Variants in CYTH3 observed in about 807,000 individuals in gnomAD.
CYTH3 encodes the protein cytohesin 3.
In CYTH3, 23 loss-of-function variants were observed where a neutral mutation model predicts 55.1. That is an observed-to-expected ratio of 0.42 (90% CI 0.30 to 0.59). The LOEUF (loss-of-function observed/expected upper bound fraction) is 0.59, where lower values mean the gene tolerates loss of function less well. Among genes scored for constraint, CYTH3 ranks in the 20% least tolerant of loss-of-function variants. The pLI, the probability that CYTH3 is intolerant of heterozygous loss-of-function variation, is 0.20. For synonymous variants in CYTH3, 249 were observed against 194.9 expected (o/e 1.28, Z -2.31); for missense variants, 413 against 524.8 (o/e 0.79, Z 2.08).
intron 1 of CYTH3, among the ~76,000 whole-genome samples, chr7:6,215,151 A>G (rs2128550106): frequency 6.6e-6 from 1 of 152,288 alleles, no homozygotes; most frequent in Middle Eastern, 3.4e-3. Context: ...GGAGCACATG[A>G]GAGTTGACAA....
chr7:6,213,885 A>G (rs1440368930), intron 1 of CYTH3, among the ~76,000 whole-genome samples: 1 of 152,126 alleles, frequency 6.6e-6, no homozygotes, highest in Non-Finnish European at 1.5e-5. Context: ...ACTTGGCTCC[A>G]TGAAGTTTCA....
At chr7:6,233,141 C>T (rs1779429535) in intron 1 of CYTH3, among the ~76,000 whole-genome samples, 1 of 152,148 alleles carries the variant, frequency 6.6e-6, no homozygotes, top group Admixed American at 6.5e-5. Flanking sequence ...TCTGAAGTTG[C>T]TTTCTCAACT....
At chr7:6,204,401 A>G (rs1207816662) in intron 1 of CYTH3, among the ~76,000 whole-genome samples, 2 of 152,230 alleles carry the variant, frequency 1.3e-5, no homozygotes, top group African/African-American at 4.8e-5. Context: ...TGCCAAACAG[A>G]GGCAGTGTAC....
Position 6,167,317 on chromosome 7 carries a change from G to A in CYTH3, c.824-1507C>T, listed in dbSNP as rs1783039136. Among the ~76,000 whole-genome samples the A allele has an allele frequency of 6.6e-6, 1 of 152,212 alleles. No individual in the cohort carries two copies. The highest frequency in any genetic ancestry group is 2.4e-5 in the African/African-American group (1 of 41,456). Reference sequence around the variant, plus strand: ...CTGCCTTGTCCCACAGTCCTCCAGTGAGCAGTGAGAGGTGTTCTATGTCCC... The same window carrying A: ...CTGCCTTGTCCCACAGTCCTCCAGTAAGCAGTGAGAGGTGTTCTATGTCCC... On this transcript the variant is annotated intron_variant, in intron 9 of 12. Transcript: ENST00000350796. This position sits in a 1 kb window ranked among gnomAD's most constrained non-coding sequence, Gnocchi z 5.5.
At chr7:6,185,062 T>A (rs879672141) in intron 4 of CYTH3, among the ~76,000 whole-genome samples, 9 of 152,200 alleles carry the variant, frequency 5.9e-5, no homozygotes, top group Non-Finnish European at 8.8e-5. Flanking sequence ...GCTTATTACA[T>A]CTGCTGATAA....
intron 1 of CYTH3, among the ~76,000 whole-genome samples, chr7:6,247,297 G>A (rs923401263): frequency 9.9e-5 from 15 of 152,184 alleles, no homozygotes; most frequent in African/African-American, 1.4e-4. Context: ...TCCCGATTTC[G>A]TTGTAAGTAA....
chr7:6,268,315 G>A (rs1158975640), intron 1 of CYTH3, among the ~76,000 whole-genome samples: 2 of 152,050 alleles, frequency 1.3e-5, no homozygotes, highest in Admixed American at 6.6e-5. Context: ...TTACAGGCAC[G>A]CACCACCACT....
At chr7:6,174,264 G>A (rs932488852) in intron 5 of CYTH3, among the ~76,000 whole-genome samples, 6 of 151,920 alleles carry the variant, frequency 3.9e-5, no homozygotes, top group East Asian at 1.9e-4. Context: ...ACAGGCATGC[G>A]CCACCATGCC....
chr7:6,264,552 C>T (rs1264778115), intron 1 of CYTH3, among the ~76,000 whole-genome samples: 1 of 152,180 alleles, frequency 6.6e-6, no homozygotes, highest in African/African-American at 2.4e-5. Context: ...ATGGAGATTG[C>T]AGTGAGCTGC....
At chr7:6,262,235 T>G (rs1209304863) in intron 1 of CYTH3, among the ~76,000 whole-genome samples, 2 of 152,136 alleles carry the variant, frequency 1.3e-5, no homozygotes, top group Non-Finnish European at 2.9e-5. Context: ...CACAGGTAAT[T>G]ACAGTCCTGG....
At chr7:6,213,532 T>C (rs1480963284) in intron 1 of CYTH3, among the ~76,000 whole-genome samples, 1 of 151,994 alleles carries the variant, frequency 6.6e-6, no homozygotes, top group East Asian at 1.9e-4. Flanking sequence ...GTCCCCATGG[T>C]TTTTTGTTTG....
rs537715825 is a variant in CYTH3 at position 6,246,954 on chromosome 7, T to C, written c.34+25520A>G. On this transcript the variant is annotated intron_variant, in intron 1 of 12. Coordinates refer to ENST00000350796, the MANE Select transcript of CYTH3 (RefSeq NM_004227.4). ...AACAATCTTTTAGTTGGTTAGAATATATCCATGAACAAGTTTTGTTTAAGA... is the reference window on the plus strand; with the variant it reads ...AACAATCTTTTAGTTGGTTAGAATACATCCATGAACAAGTTTTGTTTAAGA... 2.6e-5 allele frequency among the ~76,000 whole-genome samples: 4 copies of C among 152,324 alleles called. 1 individual carries two copies. In the East Asian group the frequency reaches 7.7e-4, roughly 29 times the overall value.
chr7:6,206,220 G>A (rs536597227), intron 1 of CYTH3, among the ~76,000 whole-genome samples: 3 of 152,284 alleles, frequency 2.0e-5, no homozygotes, highest in Non-Finnish European at 2.9e-5. Flanking sequence ...ATCAACAGAT[G>A]AATGGATTTA....
chr7:6,233,029 GCCTCCTGGTATCACAGGATT>G (rs1212185052), intron 1 of CYTH3, among the ~76,000 whole-genome samples: 1 of 152,064 alleles, frequency 6.6e-6, no homozygotes, highest in Non-Finnish European at 1.5e-5. Flanking sequence ...TTCTCTCTCA[GCCTCCTGGTATCACAGGATT>G]CCTCTTTCTT....
intron 1 of CYTH3, among the ~76,000 whole-genome samples, chr7:6,217,967 G>C (rs1180675078): frequency 6.6e-6 from 1 of 152,128 alleles, no homozygotes; most frequent in East Asian, 1.9e-4. Flanking sequence ...CAGATCACTT[G>C]AGCTCTGGAG....
intron 1 of CYTH3, among the ~76,000 whole-genome samples, chr7:6,226,792 G>A (rs1779262953): frequency 6.6e-6 from 1 of 152,068 alleles, no homozygotes; most frequent in Non-Finnish European, 1.5e-5. Context: ...GGTTTAAGAG[G>A]AAAGGGGGCC....
intron 1 of CYTH3, among the ~76,000 whole-genome samples, chr7:6,214,783 C>T (rs1023553917): frequency 6.6e-5 from 10 of 152,052 alleles, no homozygotes; most frequent in African/African-American, 2.4e-4. Flanking sequence ...CAAGATTTCC[C>T]ACGGTAATAT....
rs147692769 is a variant in CYTH3 at position 6,252,460 on chromosome 7, T to C, written c.34+20014A>G. On this transcript the variant is annotated intron_variant, in intron 1 of 12. Transcript: ENST00000350796. ...CACGAACAAAATTAATACTTTAGAA[T>C]GGAATTTAAATCAGTCATCTGAAAG... Among the ~76,000 whole-genome samples, 1,427 of 152,326 alleles carry C rather than the reference T, an allele frequency of 9.4e-3. 14 individuals are homozygous for C. Among genetic ancestry groups the C allele is most frequent in the Middle Eastern group, 0.048 (14 of 294 alleles).
chr7:6,197,767 T>A (rs1185650552), intron 1 of CYTH3, among the ~76,000 whole-genome samples: 1 of 152,210 alleles, frequency 6.6e-6, no homozygotes, highest in Admixed American at 6.5e-5. Context: ...GTCTAAGAGT[T>A]TGAATTTTTC....
Sources: gnomAD v4.1 joint callset for allele counts (sites outside exome capture counted in the v4.1 genomes callset) on GRCh38, gnomAD v4.1.1 for gene constraint, Gnocchi (gnomAD v3.1) non-coding constraint, MANE v1.5 for transcripts, NCBI Gene and HGNC (gene_info 2026-07-23, HGNC 2026-07-21) for gene names.